UTRN: variants seen among roughly 807,000 people sequenced by gnomAD.
UTRN encodes utrophin.
UTRN carries 283 observed loss-of-function variants against 463.9 expected under a neutral mutation model. That is an observed-to-expected ratio of 0.61 (90% CI 0.55 to 0.67). The LOEUF is 0.67. UTRN is among the 30% of genes least tolerant of loss of function. The probability of loss-of-function intolerance (pLI) is 0.00; values close to 1 mark genes in which losing one functional copy is unlikely to be tolerated. For synonymous variants in UTRN, 1,442 were observed against 1,431.5 expected (o/e 1.01, Z -0.17); for missense variants, 3,922 against 4,084.3 (o/e 0.96, Z 1.08).
In UTRN at chr6:144,461,189, A is replaced by T. The variant is rs377080064; in HGVS notation, c.2708-8A>T. 1.4e-5 allele frequency: 21 copies of T among 1,555,534 alleles called. No individual in the cohort carries two copies. Among genetic ancestry groups the T allele is most frequent in the Non-Finnish European group, 1.8e-5 (21 of 1,152,708 alleles). On this transcript the variant is annotated splice_region_variant and splice_polypyrimidine_tract_variant and intron_variant, in intron 21 of 74. Transcript: ENST00000367545. ...ATTTTTTCAAACTAAATATTTTTAA[A>T]TAAACAGAACTGAAGGGCCAACCTG...
At chr6:144,464,887 A>G (rs1326196968) in intron 23 of UTRN, among the ~76,000 whole-genome samples, 1 of 152,156 alleles carries the variant, frequency 6.6e-6, no homozygotes, top group East Asian at 1.9e-4. Flanking sequence ...GGCCTTTTCT[A>G]TAATTCTAAA....
chr6:144,838,371 T>C (rs1781277419), intron 71 of UTRN, among the ~76,000 whole-genome samples: 1 of 149,490 alleles, frequency 6.7e-6, no homozygotes. Context: ...TAGAAGTAGA[T>C]GGAAAATTCA....
At chr6:144,612,789 G>A (rs1261371968) in intron 51 of UTRN, among the ~76,000 whole-genome samples, 2 of 152,064 alleles carry the variant, frequency 1.3e-5, no homozygotes, top group East Asian at 3.8e-4. Flanking sequence ...ATGTAAAATG[G>A]TATGAAGGTT....
intron 51 of UTRN, among the ~76,000 whole-genome samples, chr6:144,586,523 G>T (rs569396085): frequency 6.6e-6 from 1 of 152,090 alleles, no homozygotes; most frequent in African/African-American, 2.4e-5. Context: ...GTAGAGCACA[G>T]TAGAAAAAAA....
intron 48 of UTRN, among the ~76,000 whole-genome samples, chr6:144,551,624 T>C (rs12204372): frequency 0.24 from 35,914 of 152,088 alleles, 4,724 homozygotes; most frequent in African/African-American, 0.35. Flanking sequence ...AGATCCTTGC[T>C]TGGGGTTTGC....
chr6:144,844,018 T>G (rs1781813189), intron 73 of UTRN, among the ~76,000 whole-genome samples: 1 of 152,206 alleles, frequency 6.6e-6, no homozygotes, highest in Non-Finnish European at 1.5e-5. Context: ...AAAAGTGTAT[T>G]TTAGAATCCT....
intron 50 of UTRN, among the ~76,000 whole-genome samples, chr6:144,570,626 T>G (rs1800852861): frequency 6.6e-6 from 1 of 152,224 alleles, no homozygotes; most frequent in Non-Finnish European, 1.5e-5. Flanking sequence ...AAGTAGTATC[T>G]CTTTTCTCAC....
intron 56 of UTRN, among the ~76,000 whole-genome samples, chr6:144,753,589 A>G (rs578258189): frequency 6.6e-6 from 1 of 152,262 alleles, no homozygotes; most frequent in South Asian, 2.1e-4. Context: ...ACCGCACTCC[A>G]GCCTGGGCAA....
chr6:144,513,860 C>G (rs1795383125), intron 35 of UTRN, 49 bp from the exon 36 acceptor site: 2 of 1,587,060 alleles, frequency 1.3e-6, no homozygotes, highest in African/African-American at 1.4e-5. Context: ...AGATTATCAT[C>G]TTAAATATTT....
chr6:144,316,604 A>G (rs1775301212), intron 2 of UTRN, among the ~76,000 whole-genome samples: 1 of 152,248 alleles, frequency 6.6e-6, no homozygotes, highest in African/African-American at 2.4e-5. Flanking sequence ...AAAAGTTAGC[A>G]AAGTGTGAAT....
chr6:144,462,150 A>G (rs2128561761), intron 22 of UTRN, among the ~76,000 whole-genome samples: 1 of 152,236 alleles, frequency 6.6e-6, no homozygotes, highest in South Asian at 2.1e-4. Context: ...TATAAGTGAG[A>G]ATATGCGGTA....
At chr6:144,432,008 A>C (rs1785896072) in intron 9 of UTRN, among the ~76,000 whole-genome samples, 1 of 152,038 alleles carries the variant, frequency 6.6e-6, no homozygotes, top group Admixed American at 6.5e-5. Context: ...ATTATACTTT[A>C]AGTTTTAGGG....
chr6:144,522,060 T>G lies in UTRN; in HGVS notation c.5622T>G (p.Val1874=). The G allele has an allele frequency of 6.3e-7, 1 of 1,598,034 alleles. No individual in the cohort carries two copies. The highest frequency in any genetic ancestry group is 8.5e-7 in the Non-Finnish European group (1 of 1,173,378). Reference sequence around the variant, plus strand: ...CACTTCTTCCTACAGATTATCTGGTTGAAATTAACAAAATTTTACTTTGCA... The same window carrying G: ...CACTTCTTCCTACAGATTATCTGGTGGAAATTAACAAAATTTTACTTTGCA... ...RSSLLPTDYL[V]EINKILLCMD... The change falls in exon 40 of 75, where the codon GTT becomes GTG. Residue 1874 remains valine (V), a synonymous_variant. Coordinates refer to ENST00000367545, the MANE Select transcript of UTRN (RefSeq NM_007124.3).
Position 144,839,301 on chromosome 6 carries a change from C to T in UTRN, c.10177+17C>T. 1 of 1,592,822 alleles carries T rather than the reference C, an allele frequency of 6.3e-7. No homozygotes were observed. The highest frequency in any genetic ancestry group is 8.6e-7 in the Non-Finnish European group (1 of 1,162,418). ...ACCAGGCAGGTCGGTGTCCCCAGCA[C>T]ACAGCTCCTCTGCTGAGTCTGCTTT... On this transcript the variant is annotated intron_variant, in intron 72 of 74. Coordinates refer to ENST00000367545, the MANE Select transcript of UTRN (RefSeq NM_007124.3).
At chr6:144,470,669 A>G (rs182127733) in intron 23 of UTRN, among the ~76,000 whole-genome samples, 16,671 of 151,938 alleles carry the variant, frequency 0.11, 1,212 homozygotes, top group African/African-American at 0.21. Context: ...GGGAGGCCAA[A>G]GCAGGCGGCT....
At chr6:144,799,670 T>C (rs1371294738) in intron 64 of UTRN, among the ~76,000 whole-genome samples, 1 of 152,190 alleles carries the variant, frequency 6.6e-6, no homozygotes, top group Non-Finnish European at 1.5e-5. Context: ...TGCCAGACAA[T>C]GTGCTAAGAG....
At chr6:144,454,016 A>G (rs1788578993) in intron 19 of UTRN, 147 bp downstream of exon 19, 1 of 675,432 alleles carries the variant, frequency 1.5e-6, no homozygotes. Flanking sequence ...AGGCAGCAGA[A>G]TCTTTAAAAA....
At position 144,492,421 on chromosome 6, in the gene UTRN, T is replaced by C. The variant is rs143990580; in HGVS notation, c.4438-880T>C. Among the ~76,000 whole-genome samples, 280 of 152,298 alleles carry C rather than the reference T, an allele frequency of 1.8e-3. 6 individuals carry two copies. In the South Asian group the frequency reaches 0.044, roughly 24 times the overall value. ...CACGTTTTCTTTATCCATTCCCCCA[T>C]TGATGGGCACCTAGATTGATGACAT... On this transcript the variant is annotated intron_variant, in intron 32 of 74. Coordinates refer to ENST00000367545, the MANE Select transcript of UTRN (RefSeq NM_007124.3).
intron 2 of UTRN, among the ~76,000 whole-genome samples, chr6:144,317,381 A>T (rs887995253): frequency 7.2e-5 from 11 of 152,260 alleles, no homozygotes; most frequent in African/African-American, 2.6e-4. Context: ...CAATTTAAAC[A>T]TTCCAATCTG....
Sources: gnomAD v4.1 joint callset for allele counts (sites outside exome capture counted in the v4.1 genomes callset) on GRCh38, gnomAD v4.1.1 for gene constraint, MANE v1.5 for transcripts, NCBI Gene and HGNC (gene_info 2026-07-23, HGNC 2026-07-21) for gene names.